TCERG1L: variants seen among roughly 807,000 people sequenced by gnomAD.
TCERG1L encodes transcription elongation regulator 1-like protein.
Under a neutral mutation model 56.3 loss-of-function variants are expected in TCERG1L, and 37 were observed. That is an observed-to-expected ratio of 0.66 (90% CI 0.51 to 0.87). TCERG1L has a LOEUF of 0.87. TCERG1L is among the 40% of genes least tolerant of loss of function. The pLI, the probability that TCERG1L is intolerant of heterozygous loss-of-function variation, is 0.00. For missense variants in TCERG1L, 799 were observed against 774.2 expected (o/e 1.03, Z -0.38); for synonymous variants, 324 against 326.3 (o/e 0.99, Z 0.08).
chr10:131,257,037 G>T (rs1367679509), intron 4 of TCERG1L, among the ~76,000 whole-genome samples: 2 of 141,676 alleles, frequency 1.4e-5, no homozygotes, highest in Non-Finnish European at 3.1e-5. Flanking sequence ...AAGAAAGAAA[G>T]AAAGAAAGAA....
chr10:131,132,997 G>A (rs1027392173), intron 8 of TCERG1L, among the ~76,000 whole-genome samples: 4 of 152,162 alleles, frequency 2.6e-5, no homozygotes, highest in South Asian at 2.1e-4. Flanking sequence ...TGATCACCTC[G>A]CTGGCTTGGG....
chr10:131,099,436 A>G (rs11816693), intron 10 of TCERG1L, among the ~76,000 whole-genome samples: 2,957 of 152,330 alleles, frequency 0.019, 94 homozygotes, highest in African/African-American at 0.065. Flanking sequence ...TAAACTGAAG[A>G]TAAGTGTTTA....
chr10:131,183,377 A>C lies in TCERG1L; in HGVS notation c.857-16492T>G, dbSNP rs188854852. Among the ~76,000 whole-genome samples the C allele has an allele frequency of 5.4e-4, 82 of 152,330 alleles. No homozygotes were observed. The South Asian group carries it at 0.012, about 22-fold the overall frequency. ...CCTTTGTTGGGGAAATACTCAACTG[A>C]AGGTTCTTGTCTGAGATTTACCTTT... On this transcript the variant is annotated intron_variant, in intron 4 of 11. Coordinates refer to ENST00000368642, the MANE Select transcript of TCERG1L (RefSeq NM_174937.4).
chr10:131,148,793 G>A (rs553233220), intron 6 of TCERG1L, among the ~76,000 whole-genome samples: 20 of 152,238 alleles, frequency 1.3e-4, no homozygotes, highest in Non-Finnish European at 2.4e-4. Flanking sequence ...CTTGACTTTC[G>A]CCCAGTGAGA....
chr10:131,130,337 G>A (rs1845605241), intron 8 of TCERG1L, among the ~76,000 whole-genome samples: 1 of 152,154 alleles, frequency 6.6e-6, no homozygotes, highest in African/African-American at 2.4e-5. Context: ...GGCAATTATG[G>A]GAGCTATAAT....
chr10:131,109,576 T>C (rs1303388935), intron 9 of TCERG1L, among the ~76,000 whole-genome samples: 1 of 152,170 alleles, frequency 6.6e-6, no homozygotes, highest in Non-Finnish European at 1.5e-5. Context: ...GTGAGAGTGT[T>C]TGACTCTGTC....
At chr10:131,233,186 T>C (rs374604785) in intron 4 of TCERG1L, among the ~76,000 whole-genome samples, 2 of 152,290 alleles carry the variant, frequency 1.3e-5, no homozygotes, top group East Asian at 1.9e-4. Flanking sequence ...CCTGTTTTAG[T>C]ACAGATCATA....
Position 131,248,434 on chromosome 10 carries a change from C to T in TCERG1L, c.856+11825G>A, listed in dbSNP as rs185920470. On this transcript the variant is annotated intron_variant, in intron 4 of 11. Transcript: ENST00000368642. ...TTGAGAGAGGTTAAGTCACAAAGCA[C>T]ACCAGGCTGATCTCTCTCTCTCTCT... Among the ~76,000 whole-genome samples, 46 of 152,248 alleles carry T rather than the reference C, an allele frequency of 3.0e-4. 1 individual carries two copies. The East Asian group carries it at 7.5e-3, about 25-fold the overall frequency.
intron 8 of TCERG1L, among the ~76,000 whole-genome samples, chr10:131,130,744 C>G (rs1337118620): frequency 2.0e-5 from 3 of 152,116 alleles, no homozygotes; most frequent in Non-Finnish European, 4.4e-5. Context: ...ATCTGACAAC[C>G]AGCCTTGTGG....
At chr10:131,245,933 G>A (rs35168601) in intron 4 of TCERG1L, among the ~76,000 whole-genome samples, 24 of 152,266 alleles carry the variant, frequency 1.6e-4, no homozygotes, top group African/African-American at 4.3e-4. Flanking sequence ...AGCAGGCAGC[G>A]CCAGGGAGCA....
intron 9 of TCERG1L, among the ~76,000 whole-genome samples, chr10:131,114,845 C>T (rs1366220028): frequency 6.6e-6 from 1 of 152,234 alleles, no homozygotes; most frequent in Non-Finnish European, 1.5e-5. Flanking sequence ...CCCAAATGTT[C>T]ACGATGCCAT....
At chr10:131,300,240 C>G (rs34180343) in intron 3 of TCERG1L, among the ~76,000 whole-genome samples, 1 of 152,020 alleles carries the variant, frequency 6.6e-6, no homozygotes, top group African/African-American at 2.4e-5. Flanking sequence ...ATTTATTAGT[C>G]TTATGGTTTG....
At chr10:131,147,597 G>T (rs1410499955) in intron 6 of TCERG1L, among the ~76,000 whole-genome samples, 1 of 152,250 alleles carries the variant, frequency 6.6e-6, no homozygotes, top group East Asian at 1.9e-4. Context: ...CTCCCAGGAG[G>T]TTCCCCTGGG....
rs745633887 is a variant in TCERG1L at position 131,144,149 on chromosome 10, C to A, written c.1189+2357G>T. Among the ~76,000 whole-genome samples the A allele has an allele frequency of 4.6e-4, 70 of 152,240 alleles. 1 individual carries two copies. Among genetic ancestry groups the A allele is most frequent in the East Asian group, 1.4e-3 (7 of 5,172 alleles). On this transcript the variant is annotated intron_variant, in intron 7 of 11. Transcript: ENST00000368642. ...AATGTGGCAGCCATGTTACAAAATTCTTCTACTTCATTTGCCTCTTGAAAA... is the reference window on the plus strand; with the variant it reads ...AATGTGGCAGCCATGTTACAAAATTATTCTACTTCATTTGCCTCTTGAAAA...
chr10:131,157,324 C>A (rs899586779), intron 6 of TCERG1L, among the ~76,000 whole-genome samples: 1 of 152,022 alleles, frequency 6.6e-6, no homozygotes, highest in Non-Finnish European at 1.5e-5. Context: ...ATGTTAAAAC[C>A]AATATTTAAT....
At chr10:131,254,530 G>C (rs1338856642) in intron 4 of TCERG1L, among the ~76,000 whole-genome samples, 3 of 152,030 alleles carry the variant, frequency 2.0e-5, no homozygotes, top group Non-Finnish European at 1.5e-5. Context: ...AAAGGTCCTT[G>C]AGAAGTGAAC....
chr10:131,131,654 C>A (rs565912049), intron 8 of TCERG1L, among the ~76,000 whole-genome samples: 1 of 152,304 alleles, frequency 6.6e-6, no homozygotes, highest in East Asian at 1.9e-4. Context: ...TTAATTCCAT[C>A]TGTGCATGAG....
intron 3 of TCERG1L, among the ~76,000 whole-genome samples, chr10:131,276,130 C>T (rs1484551941): frequency 1.3e-5 from 2 of 152,224 alleles, no homozygotes; most frequent in Non-Finnish European, 2.9e-5. Context: ...CAATGTGTGG[C>T]TTTCATGAAT....
At chr10:131,217,355 C>T (rs547637905) in intron 4 of TCERG1L, among the ~76,000 whole-genome samples, 237 of 152,244 alleles carry the variant, frequency 1.6e-3, no homozygotes, top group African/African-American at 5.6e-3. Context: ...CTGCAGAACA[C>T]CAAGCAGATG....
Sources: allele counts gnomAD v4.1 joint callset (sites outside exome capture counted in the v4.1 genomes callset), GRCh38; gene constraint gnomAD v4.1.1; transcripts MANE v1.5; gene names NCBI Gene and HGNC (gene_info 2026-07-23, HGNC 2026-07-21).